DNM3: variants seen among roughly 807,000 people sequenced by gnomAD.
DNM3 encodes dynamin-3.
DNM3 carries 47 observed loss-of-function variants against 101.6 expected under a neutral mutation model. The ratio of observed to expected loss-of-function variants is 0.46; its 90% CI spans 0.37 to 0.59. The LOEUF (loss-of-function observed/expected upper bound fraction) is 0.59, where lower values mean the gene tolerates loss of function less well. DNM3 is among the 20% of genes least tolerant of loss of function. The pLI, the probability that DNM3 is intolerant of heterozygous loss-of-function variation, is 0.00. For synonymous variants in DNM3, 385 were observed against 387.9 expected, an observed-to-expected ratio of 0.99 and a Z score of 0.09; for missense variants, 849 against 1,085.7, an observed-to-expected ratio of 0.78 and a Z score of 3.06.
chr1:172,408,102 G>T lies in DNM3; in HGVS notation c.*261G>T. The T allele has an allele frequency of 8.1e-7, 1 of 1,241,284 alleles. No individual in the cohort carries two copies. Among genetic ancestry groups the T allele is most frequent in the South Asian group, 2.9e-5 (1 of 34,804 alleles). 76.9% of individuals were successfully genotyped at this position (1,241,284 alleles called of 1,614,324 possible). Reference sequence around the variant, plus strand: ...GTTTGTATAGCAGCCCTATACTTTGGGGATCATTTGCCTACCATGGCATAT... The same window carrying T: ...GTTTGTATAGCAGCCCTATACTTTGTGGATCATTTGCCTACCATGGCATAT... On this transcript the variant is annotated 3_prime_UTR_variant, in exon 21 of 21. Transcript: ENST00000627582.
chr1:172,236,369 T>C (rs576022979), intron 14 of DNM3, among the ~76,000 whole-genome samples: 20 of 152,252 alleles, frequency 1.3e-4, no homozygotes, highest in African/African-American at 4.8e-4. Flanking sequence ...GACTTTTTCA[T>C]GGAGAGAAAA....
chr1:172,384,562 C>G (rs983739612), intron 18 of DNM3, among the ~76,000 whole-genome samples: 3 of 152,214 alleles, frequency 2.0e-5, no homozygotes, highest in African/African-American at 7.2e-5. Context: ...AGCCTATGCT[C>G]TGAATCCACT....
intron 18 of DNM3, among the ~76,000 whole-genome samples, chr1:172,383,427 A>G (rs1454552527): frequency 6.6e-6 from 1 of 152,188 alleles, no homozygotes; most frequent in African/African-American, 2.4e-5. Context: ...GAATTGTGAG[A>G]TCTCAAAGAT....
At position 172,008,492 on chromosome 1, in the gene DNM3, C is replaced by T. The variant is rs116308501; in HGVS notation, c.589+19344C>T. 6.5e-3 allele frequency among the ~76,000 whole-genome samples: 980 copies of T among 150,684 alleles called. 18 individuals are homozygous for T. Among genetic ancestry groups the T allele is most frequent in the African/African-American group, 0.022 (926 of 41,160 alleles). On this transcript the variant is annotated intron_variant, in intron 4 of 20. Coordinates refer to ENST00000627582, the MANE Select transcript of DNM3 (RefSeq NM_015569.5). ...CTCCAATGTGTGTTCTTTGTGCCTT[C>T]GTCAAAAATCAGTTGGCTGTGCGTG...
rs560090457 is a variant in DNM3, at chr1:171,950,330, A to T, written c.235+28509A>T. Among the ~76,000 whole-genome samples, 4 of 152,280 alleles carry T rather than the reference A, an allele frequency of 2.6e-5. No homozygotes were observed. In the South Asian group the frequency reaches 8.3e-4, roughly 32 times the overall value. ...TGCATTCGGTAGAAACTATAATTTA[A>T]ATTTTTATCTTTTCTGGTCTAGTGA... is the stretch of plus-strand genomic sequence containing the variant. On this transcript the variant is annotated intron_variant, in intron 2 of 20. Transcript: ENST00000627582.
chr1:172,025,493 G>A (rs1345914162), intron 4 of DNM3, among the ~76,000 whole-genome samples: 1 of 152,194 alleles, frequency 6.6e-6, no homozygotes, highest in African/African-American at 2.4e-5. Context: ...CCTGACCACC[G>A]TGCCTCCTGA....
intron 18 of DNM3, 124 bp from the exon 19 acceptor site, chr1:172,387,009 C>G (rs1280298112): frequency 1.3e-6 from 1 of 761,206 alleles, no homozygotes; most frequent in Non-Finnish European, 2.2e-6. Context: ...CTTCACTTTT[C>G]CCAGGGTGGA....
At chr1:172,400,285 C>A (rs75242840) in intron 20 of DNM3, among the ~76,000 whole-genome samples, 1 of 151,842 alleles carries the variant, frequency 6.6e-6, no homozygotes, top group Non-Finnish European at 1.5e-5. Flanking sequence ...GTGGGAGTGA[C>A]GAGAAGGGTC....
In DNM3 at chr1:172,388,830, TG is replaced by T. The variant is rs771002660; in HGVS notation, c.2522+28del. On this transcript the variant is annotated intron_variant, in intron 20 of 20. Transcript: ENST00000627582. ...CCAAGGTAAGGCATGGAGCAGAAAT[TG>T]GGGGGGTAGTGCGCCTTGGTTCTCT... The T allele has an allele frequency of 2.8e-5, 43 of 1,540,630 alleles. No individual in the cohort carries two copies. The South Asian group carries it at 3.1e-4, about 11-fold the overall frequency.
chr1:172,269,101 C>T (rs931502365), intron 15 of DNM3, among the ~76,000 whole-genome samples: 35 of 152,208 alleles, frequency 2.3e-4, no homozygotes, highest in African/African-American at 6.7e-4. Context: ...GAGTTGTAAC[C>T]GAAGCCATTA....
Position 172,127,385 on chromosome 1 carries a change from C to CTTATTATTA in DNM3, c.1546-3757_1546-3749dup, listed in dbSNP as rs60339425. ...TGTATCGCCAATCTCTTACTCTCTACTTATTATTATTATTATTATTATTAT... is the reference window on the plus strand; with the variant it reads ...TGTATCGCCAATCTCTTACTCTCTACTTATTATTATTATTATTATTATTATTATTATTAT... On this transcript the variant is annotated intron_variant, in intron 13 of 20. Coordinates refer to ENST00000627582, the MANE Select transcript of DNM3 (RefSeq NM_015569.5). 8.5e-3 allele frequency among the ~76,000 whole-genome samples: 1,175 copies of CTTATTATTA among 137,650 alleles called. 10 individuals are homozygous for CTTATTATTA. Among genetic ancestry groups the CTTATTATTA allele is most frequent in the Non-Finnish European group, 0.012 (782 of 64,408 alleles). The allele number at this position is 137,650 out of a possible 152,430, so 90.3% of individuals were successfully genotyped here.
chr1:172,368,822 A>T (rs2068167120), intron 17 of DNM3, among the ~76,000 whole-genome samples: 1 of 151,966 alleles, frequency 6.6e-6, no homozygotes, highest in Admixed American at 6.6e-5. Context: ...TACTTCAGAA[A>T]TACAAAGGAT....
chr1:172,205,901 A>G (rs1373794431), intron 14 of DNM3, among the ~76,000 whole-genome samples: 1 of 152,136 alleles, frequency 6.6e-6, no homozygotes. Context: ...AGTACATGAC[A>G]TTAAAATCTA....
intron 17 of DNM3, among the ~76,000 whole-genome samples, chr1:172,350,316 TTGTGTGTGTGTGTG>T (rs5778730): frequency 1.4e-5 from 2 of 148,032 alleles, no homozygotes; most frequent in Non-Finnish European, 3.0e-5. Flanking sequence ...CCATTTTATC[TTGTGTGTGTGTGTG>T]TGTGTGTGTG....
At chr1:172,373,079 T>G (rs1329749252) in intron 17 of DNM3, among the ~76,000 whole-genome samples, 1 of 152,096 alleles carries the variant, frequency 6.6e-6, no homozygotes, top group African/African-American at 2.4e-5. Flanking sequence ...AAAGTGTTTA[T>G]ATGGATTAAA....
At chr1:171,897,243 AC>A (rs1302411301) in intron 1 of DNM3, among the ~76,000 whole-genome samples, 2 of 152,150 alleles carry the variant, frequency 1.3e-5, no homozygotes. Flanking sequence ...TAGAGTTGCC[AC>A]CTTTTTATTT....
chr1:172,208,353 A>G (rs894840570), intron 14 of DNM3, among the ~76,000 whole-genome samples: 1 of 152,110 alleles, frequency 6.6e-6, no homozygotes, highest in Non-Finnish European at 1.5e-5. Flanking sequence ...TATACCCAGA[A>G]ATTTGGTCAA....
chr1:171,904,191 A>C (rs1396869948), intron 1 of DNM3, among the ~76,000 whole-genome samples: 2 of 151,238 alleles, frequency 1.3e-5, no homozygotes, highest in African/African-American at 4.9e-5. Flanking sequence ...ACGCACCTGT[A>C]GTCCCAGCTA....
chr1:171,875,040 C>T (rs2035634775), intron 1 of DNM3, among the ~76,000 whole-genome samples: 1 of 152,002 alleles, frequency 6.6e-6, no homozygotes, highest in Non-Finnish European at 1.5e-5. Context: ...TGGTGTGTAG[C>T]TATCATGTTT....
Sources: gnomAD v4.1 joint callset for allele counts (sites outside exome capture counted in the v4.1 genomes callset) on GRCh38, gnomAD v4.1.1 for gene constraint, MANE v1.5 for transcripts, NCBI Gene and HGNC (gene_info 2026-07-23, HGNC 2026-07-21) for gene names.